The following CNTNAP3B variants were observed in gnomAD, a reference collection of about 807,000 sequenced individuals.
CNTNAP3B encodes the protein contactin associated protein family member 3B.
CNTNAP3B carries 25 observed loss-of-function variants against 108.9 expected under a neutral mutation model. The ratio of observed to expected loss-of-function variants is 0.23; its 90% confidence interval spans 0.17 to 0.32. The LOEUF is 0.32. Ranked by LOEUF, CNTNAP3B falls within the 10% of genes least tolerant of loss-of-function variation. CNTNAP3B has a pLI of 1.00. For synonymous variants in CNTNAP3B, 103 were observed against 473.4 expected, an observed-to-expected ratio of 0.22 and a Z score of 10.16; for missense variants, 252 against 1,210.4, an observed-to-expected ratio of 0.21 and a Z score of 11.75.
intron 3 of CNTNAP3B, among the ~76,000 whole-genome samples, chr9:42,056,738 C>T (rs1827081367): frequency 1.6e-5 from 2 of 128,982 alleles, no homozygotes; most frequent in Admixed American, 1.6e-4. Context: ...TAATCTTTAT[C>T]CATTGATGTG....
intron 2 of CNTNAP3B, among the ~76,000 whole-genome samples, chr9:42,089,892 C>T (rs1827781664): frequency 7.1e-6 from 1 of 140,080 alleles, no homozygotes; most frequent in African/African-American, 2.8e-5. Flanking sequence ...CCTGATTGTA[C>T]TCTGCACGTG....
Position 42,110,538 on chromosome 9 carries a change from A to G in CNTNAP3B, c.86-5799T>C, listed in dbSNP as rs934392929. On this transcript the variant is annotated intron_variant, in intron 1 of 23. Transcript: ENST00000377561. ...CAGAAAACCTCTTTGTTCTAAAAAAAAAAAAAAGAAAAAAAAAGATTCCTG... is the reference window on the plus strand; with the variant it reads ...CAGAAAACCTCTTTGTTCTAAAAAAGAAAAAAAGAAAAAAAAAGATTCCTG... Among the ~76,000 whole-genome samples the G allele has an allele frequency of 8.0e-5, 11 of 136,992 alleles. 2 individuals carry two copies. Among genetic ancestry groups the G allele is most frequent in the African/African-American group, 2.9e-4 (10 of 34,344 alleles). The allele number at this position is 136,992 out of a possible 152,430, so 89.9% of individuals were successfully genotyped here.
At chr9:41,987,030 GTGTAGTACT>G (rs1825719289) in intron 8 of CNTNAP3B, among the ~76,000 whole-genome samples, 2 of 103,648 alleles carry the variant, frequency 1.9e-5, no homozygotes, top group Non-Finnish European at 3.8e-5. Flanking sequence ...CTGCCTGTAT[GTGTAGTACT>G]TTGAATTATC....
At chr9:42,030,091 C>T (rs1316594314) in intron 3 of CNTNAP3B, among the ~76,000 whole-genome samples, 2 of 70,134 alleles carry the variant, frequency 2.9e-5, no homozygotes, top group Non-Finnish European at 5.1e-5. Flanking sequence ...TTGCAGTGAG[C>T]TAAGATTGCG....
rs1041345359 is a variant in CNTNAP3B at position 42,047,279 on chromosome 9, G to T, written c.390+29590C>A. Among the ~76,000 whole-genome samples, 23 of 112,970 alleles carry T rather than the reference G, an allele frequency of 2.0e-4. 4 individuals carry two copies. Among genetic ancestry groups the T allele is most frequent in the African/African-American group, 8.7e-4 (23 of 26,462 alleles). 74.1% of individuals were successfully genotyped at this position (112,970 alleles called of 152,430 possible). On this transcript the variant is annotated intron_variant, in intron 3 of 23. Coordinates refer to ENST00000377561, the MANE Select transcript of CNTNAP3B (RefSeq NM_001201380.3). ...ACAATCAGACTTCTCCGTATTATTTGGCATCGCTGCAGGGTTCAGACTTTG... is the reference window on the plus strand; with the variant it reads ...ACAATCAGACTTCTCCGTATTATTTTGCATCGCTGCAGGGTTCAGACTTTG...
At chr9:41,967,373 G>A (rs1825312226) in intron 10 of CNTNAP3B, among the ~76,000 whole-genome samples, 1 of 151,880 alleles carries the variant, frequency 6.6e-6, no homozygotes, top group African/African-American at 2.4e-5. Flanking sequence ...CTTGCGTGCT[G>A]CCATATAAGA....
intron 17 of CNTNAP3B, among the ~76,000 whole-genome samples, chr9:41,921,839 C>G (rs1263137113): frequency 6.7e-6 from 1 of 149,860 alleles, no homozygotes; most frequent in South Asian, 2.1e-4. Flanking sequence ...TCCTGGAAGC[C>G]TGGCCGCGGG....
intron 13 of CNTNAP3B, among the ~76,000 whole-genome samples, chr9:41,948,118 A>G (rs1277019139): frequency 6.6e-6 from 1 of 150,438 alleles, no homozygotes; most frequent in Non-Finnish European, 1.5e-5. Context: ...TTGAGATGAA[A>G]TCTCGTTCTG....
chr9:41,955,806 A>C (rs1285810481), intron 12 of CNTNAP3B, among the ~76,000 whole-genome samples: 1 of 152,294 alleles, frequency 6.6e-6, no homozygotes, highest in Non-Finnish European at 1.5e-5. Context: ...CAACTTTGAA[A>C]ATTAAGCTAA....
In CNTNAP3B at chr9:42,001,375, C is replaced by T. The variant is rs1372404945; in HGVS notation, c.539-2771G>A. 2.3e-5 allele frequency among the ~76,000 whole-genome samples: 3 copies of T among 130,266 alleles called. 1 individual carries two copies. Among genetic ancestry groups the T allele is most frequent in the African/African-American group, 9.5e-5 (3 of 31,720 alleles). 85.5% of individuals were successfully genotyped at this position (130,266 alleles called of 152,430 possible). ...GCTGCAGTGAGCAGTGCTTGTGTCA[C>T]TGCACCCCAGCCTGGGCAACACAGC... On this transcript the variant is annotated intron_variant, in intron 4 of 23. Transcript: ENST00000377561.
chr9:41,961,599 C>T (rs1304204581), intron 11 of CNTNAP3B, among the ~76,000 whole-genome samples: 1 of 152,286 alleles, frequency 6.6e-6, no homozygotes, highest in Non-Finnish European at 1.5e-5. Context: ...ATACCCTTTG[C>T]TTCCTTTAAA....
chr9:42,125,896 C>G (rs2605860), intron 1 of CNTNAP3B, among the ~76,000 whole-genome samples: 99,543 of 124,572 alleles, frequency 0.8, 43,582 homozygotes, highest in East Asian at 0.88. Flanking sequence ...GAGATTACAG[C>G]TGTGAGCCAC....
Position 41,961,667 on chromosome 9 carries a change from G to A in CNTNAP3B, c.1757-775C>T, listed in dbSNP as rs577529239. Among the ~76,000 whole-genome samples the A allele has an allele frequency of 2.4e-4, 37 of 152,392 alleles. No homozygotes were observed. In the South Asian group the frequency reaches 3.9e-3, roughly 16 times the overall value. On this transcript the variant is annotated intron_variant, in intron 11 of 23. Coordinates refer to ENST00000377561, the MANE Select transcript of CNTNAP3B (RefSeq NM_001201380.3). Reference sequence around the variant, plus strand: ...GGAATTTATAAGCTATCAACTTCTCGTCATTAAAAAATAATTAAAGCTGAT... The same window carrying A: ...GGAATTTATAAGCTATCAACTTCTCATCATTAAAAAATAATTAAAGCTGAT...
chr9:41,965,696 C>T (rs1396929075), intron 10 of CNTNAP3B, among the ~76,000 whole-genome samples: 3 of 152,060 alleles, frequency 2.0e-5, no homozygotes, highest in Admixed American at 6.5e-5. Context: ...ACCCAAGTGC[C>T]CCTCACCATG....
At position 41,937,052 on chromosome 9, in the gene CNTNAP3B, A is replaced by G. The variant is rs371384459; in HGVS notation, c.2237+1192T>C. Among the ~76,000 whole-genome samples the G allele has an allele frequency of 5.3e-5, 8 of 150,700 alleles. No homozygotes were observed. The South Asian group carries it at 1.0e-3, about 20-fold the overall frequency. The stretch of plus-strand genomic sequence containing the variant: ...AATCAAATTACTGCTTAGATTAGCT[A>G]TTTTATGTCCAAATCAATTATACTG... On this transcript the variant is annotated intron_variant, in intron 14 of 23. Transcript: ENST00000377561.
chr9:41,917,267 G>T (rs1203104133), intron 18 of CNTNAP3B, among the ~76,000 whole-genome samples: 1 of 147,172 alleles, frequency 6.8e-6, no homozygotes, highest in Non-Finnish European at 1.5e-5. Context: ...TACTGATCTT[G>T]CTTCAAGTTT....
At chr9:42,124,865 T>A (rs1432093696) in intron 1 of CNTNAP3B, among the ~76,000 whole-genome samples, 2 of 137,988 alleles carry the variant, frequency 1.4e-5, no homozygotes, top group Non-Finnish European at 3.1e-5. Context: ...TTTCTCATAA[T>A]TGTTTTTTTT....
chr9:41,942,921 T>C (rs1242443643), intron 13 of CNTNAP3B, among the ~76,000 whole-genome samples: 2 of 152,254 alleles, frequency 1.3e-5, no homozygotes, highest in East Asian at 1.9e-4. Flanking sequence ...CTTACCTCAG[T>C]TCCTTTGCCA....
chr9:41,941,799 A>G (rs1444320380), intron 13 of CNTNAP3B, among the ~76,000 whole-genome samples: 7 of 150,774 alleles, frequency 4.6e-5, no homozygotes, highest in African/African-American at 1.7e-4. Flanking sequence ...AGGACAAGCT[A>G]CAGAGATTGA....
Sources: gnomAD v4.1 joint callset for allele counts (sites outside exome capture counted in the v4.1 genomes callset) on GRCh38, gnomAD v4.1.1 for gene constraint, MANE v1.5 for transcripts, NCBI Gene and HGNC (gene_info 2026-07-23, HGNC 2026-07-21) for gene names.